SNTB2: variants seen among roughly 807,000 people sequenced by gnomAD.
SNTB2 encodes beta-2-syntrophin.
SNTB2 carries 34 observed loss-of-function variants against 46.2 expected under a neutral mutation model. The ratio of observed to expected loss-of-function variants is 0.74; its 90% CI spans 0.56 to 0.98. SNTB2 has a LOEUF of 0.98. Ranked by LOEUF, SNTB2 falls within the 50% of genes least tolerant of loss-of-function variation. The probability of loss-of-function intolerance (pLI) is 0.00; values close to 1 mark genes in which losing one functional copy is unlikely to be tolerated. For missense variants in SNTB2, 603 were observed against 731.4 expected (o/e 0.82, Z 2.02); for synonymous variants, 290 against 312.6 (o/e 0.93, Z 0.76).
intron 5 of SNTB2, among the ~76,000 whole-genome samples, chr16:69,284,642 C>A (rs571202774): frequency 6.6e-6 from 1 of 152,130 alleles, no homozygotes; most frequent in African/African-American, 2.4e-5. Flanking sequence ...GGCGTGGCAG[C>A]ATGTGCCTGT....
chr16:69,241,283 TCTC>T (rs1964611981), intron 1 of SNTB2, among the ~76,000 whole-genome samples: 1 of 146,186 alleles, frequency 6.8e-6, no homozygotes, highest in Non-Finnish European at 1.5e-5. Context: ...TTCAAGCAAT[TCTC>T]CTGCCTCAGC....
chr16:69,207,607 C>A (rs1385808854), intron 1 of SNTB2, among the ~76,000 whole-genome samples: 1 of 152,020 alleles, frequency 6.6e-6, no homozygotes, highest in African/African-American at 2.4e-5. Context: ...TATTACATAC[C>A]TTCAGAAAAG....
intron 5 of SNTB2, among the ~76,000 whole-genome samples, chr16:69,287,600 G>T (rs1965116694): frequency 6.6e-6 from 1 of 152,092 alleles, no homozygotes; most frequent in Non-Finnish European, 1.5e-5. Context: ...GGTTGCTTAT[G>T]CCTGTAGTCC....
At chr16:69,218,604 G>A (rs897288450) in intron 1 of SNTB2, among the ~76,000 whole-genome samples, 49 of 151,992 alleles carry the variant, frequency 3.2e-4, no homozygotes, top group Non-Finnish European at 4.4e-5. Flanking sequence ...TGTATTTTTA[G>A]TAGAGACGGG....
intron 5 of SNTB2, among the ~76,000 whole-genome samples, chr16:69,294,930 G>A (rs1192143058): frequency 6.6e-6 from 1 of 151,188 alleles, no homozygotes; most frequent in East Asian, 2.0e-4. Flanking sequence ...GCAATTCTCC[G>A]GCCTCAGCCT....
At chr16:69,284,493 T>TGG (rs1433858204) in intron 5 of SNTB2, among the ~76,000 whole-genome samples, 1 of 85,426 alleles carries the variant, frequency 1.2e-5, no homozygotes, top group Non-Finnish European at 2.4e-5. Flanking sequence ...AAAAAAAAAA[T>TGG]CCGTGCACAG....
chr16:69,237,491 G>A (rs2152295782), intron 1 of SNTB2, among the ~76,000 whole-genome samples: 2 of 152,152 alleles, frequency 1.3e-5, no homozygotes, highest in South Asian at 4.2e-4. Context: ...ATGGTGAAGG[G>A]AGGGAAGAGC....
intron 1 of SNTB2, among the ~76,000 whole-genome samples, chr16:69,201,027 C>A (rs1358566847): frequency 6.6e-6 from 1 of 152,196 alleles, no homozygotes; most frequent in Non-Finnish European, 1.5e-5. Context: ...CAAATCGAGT[C>A]ATTTCTCTGC....
chr16:69,272,432 C>T (rs369990200), intron 4 of SNTB2, among the ~76,000 whole-genome samples: 33 of 148,096 alleles, frequency 2.2e-4, no homozygotes, highest in African/African-American at 5.7e-4. Context: ...CCCAGCTACT[C>T]GGGAGGCTGA....
chr16:69,299,774 G>T lies in SNTB2; in HGVS notation c.1530G>T (p.Leu510=). 6 of 1,613,078 alleles carry T rather than the reference G, an allele frequency of 3.7e-6. No individual in the cohort carries two copies. The highest frequency in any genetic ancestry group is 5.1e-6 in the Non-Finnish European group (6 of 1,179,414). The change falls in exon 6 of 7, where the codon CTG becomes CTT. Residue 510 remains leucine, a splice_region_variant and synonymous_variant. Transcript: ENST00000336278. ...YLDFGGPEGE[L]TMDLHSCPKP... ...ATTTTGGTGGTCCCGAGGGAGAACTGGTAAGAGTGTTTCTGAAACACATGT... is the reference window on the plus strand; with the variant it reads ...ATTTTGGTGGTCCCGAGGGAGAACTTGTAAGAGTGTTTCTGAAACACATGT...
At chr16:69,276,918 T>TA (rs1964989855) in intron 4 of SNTB2, among the ~76,000 whole-genome samples, 1 of 152,110 alleles carries the variant, frequency 6.6e-6, no homozygotes, top group Admixed American at 6.6e-5. Flanking sequence ...TAGTAAAAAA[T>TA]ATTAATTTTA....
chr16:69,295,657 G>C (rs1459026765), intron 5 of SNTB2, among the ~76,000 whole-genome samples: 1 of 150,870 alleles, frequency 6.6e-6, no homozygotes, highest in African/African-American at 2.4e-5. Context: ...ACCTGCAACA[G>C]CTCCATTAAT....
chr16:69,234,098 G>A (rs542498736), intron 1 of SNTB2, among the ~76,000 whole-genome samples: 6 of 152,166 alleles, frequency 3.9e-5, no homozygotes, highest in African/African-American at 7.2e-5. Context: ...TTGGTAGGCC[G>A]AAGCAGCAGA....
At chr16:69,218,923 A>T (rs2152293291) in intron 1 of SNTB2, among the ~76,000 whole-genome samples, 1 of 152,340 alleles carries the variant, frequency 6.6e-6, no homozygotes, top group South Asian at 2.1e-4. Context: ...AAAGGGAAAG[A>T]TACTGGTTGG....
chr16:69,258,605 CTTTT>C lies in SNTB2; in HGVS notation c.795-1424_795-1421del, dbSNP rs67116274. On this transcript the variant is annotated intron_variant, in intron 2 of 6. Transcript: ENST00000336278. ...TCTTCTGCTAATTTTCTTGTTCTTT[CTTTT>C]TTTTTTTTTTTTTTTTTTTTGAGAG... Among the ~76,000 whole-genome samples, 23 of 83,490 alleles carry C rather than the reference CTTTT, an allele frequency of 2.8e-4. No homozygotes were observed. In the South Asian group the frequency reaches 7.5e-3, roughly 27 times the overall value. The allele number at this position is 83,490 out of a possible 152,430, so 54.8% of individuals were successfully genotyped here. A position where few individuals can be genotyped will look rare whatever the true frequency, so the allele number is the denominator to read the frequency against.
Position 69,300,953 on chromosome 16 carries a change from C to A in SNTB2, c.*29C>A. ...ACAAAAAATCAGAAAAGAGCCTTGA[C>A]TGTCACAAGAAATATTTCCACCTCA... On this transcript the variant is annotated 3_prime_UTR_variant, in exon 7 of 7. Coordinates refer to ENST00000336278, the MANE Select transcript of SNTB2 (RefSeq NM_006750.4). 2 of 1,373,682 alleles carry A rather than the reference C, an allele frequency of 1.5e-6. No homozygotes were observed. The highest frequency in any genetic ancestry group is 1.0e-6 in the Non-Finnish European group (1 of 967,762). The allele number at this position is 1,373,682 out of a possible 1,614,324, so 85.1% of individuals were successfully genotyped here. A position where few individuals can be genotyped will look rare whatever the true frequency, so the allele number is the denominator to read the frequency against.
At chr16:69,211,037 C>G (rs1259354802) in intron 1 of SNTB2, among the ~76,000 whole-genome samples, 2 of 151,964 alleles carry the variant, frequency 1.3e-5, no homozygotes, top group East Asian at 3.9e-4. Context: ...CTGTGTTGCC[C>G]AGGGTGGTTT....
At chr16:69,300,778 A>T in intron 6 of SNTB2, 54 bp from the exon 7 acceptor site, 2 of 1,131,170 alleles carry the variant, frequency 1.8e-6, no homozygotes, top group Non-Finnish European at 2.7e-6. Flanking sequence ...TTCGTTTATT[A>T]AGTTGTCTGT....
chr16:69,208,927 G>A (rs1382303645), intron 1 of SNTB2, among the ~76,000 whole-genome samples: 1 of 151,780 alleles, frequency 6.6e-6, no homozygotes, highest in Non-Finnish European at 1.5e-5. Flanking sequence ...ATATTTGTTT[G>A]TTGTATGAAC....
Sources: allele counts gnomAD v4.1 joint callset (sites outside exome capture counted in the v4.1 genomes callset), GRCh38; gene constraint gnomAD v4.1.1; transcripts MANE v1.5; gene names NCBI Gene and HGNC (gene_info 2026-07-23, HGNC 2026-07-21).